LRRC4C: variants seen among roughly 807,000 people sequenced by gnomAD.
LRRC4C encodes leucine rich repeat containing 4C, also known as leucine-rich repeat-containing protein 4C.
LRRC4C carries 5 observed loss-of-function variants against 33.6 expected under a neutral mutation model. That is an observed-to-expected ratio of 0.15 (90% CI 0.08 to 0.31). LRRC4C has a LOEUF of 0.31. LRRC4C is among the 10% of genes least tolerant of loss of function. LRRC4C has a pLI of 1.00. For missense variants in LRRC4C, 560 were observed against 796.7 expected, an observed-to-expected ratio of 0.70 and a Z score of 3.58; for synonymous variants, 329 against 302.0, an observed-to-expected ratio of 1.09 and a Z score of -0.93.
chr11:40,733,065 T>C (rs894283956), intron 2 of LRRC4C, among the ~76,000 whole-genome samples: 1 of 51,018 alleles, frequency 2.0e-5, no homozygotes, highest in Admixed American at 2.1e-4. Flanking sequence ...AATATAGTTT[T>C]TTTTTTTTTT....
chr11:41,448,616 T>C (rs140932489), intron 1 of LRRC4C, among the ~76,000 whole-genome samples: 299 of 152,230 alleles, frequency 2.0e-3, no homozygotes, highest in East Asian at 9.9e-3. Flanking sequence ...ACATAGAGCT[T>C]TAAACTTTAA....
At chr11:41,365,527 G>A (rs1952503780) in intron 1 of LRRC4C, among the ~76,000 whole-genome samples, 1 of 151,940 alleles carries the variant, frequency 6.6e-6, no homozygotes, top group African/African-American at 2.4e-5. Context: ...AAAAAGCTTG[G>A]GGACCACTAG....
chr11:41,239,186 G>C (rs1173730479), intron 1 of LRRC4C, among the ~76,000 whole-genome samples: 1 of 150,570 alleles, frequency 6.6e-6, no homozygotes, highest in Non-Finnish European at 1.5e-5. Flanking sequence ...GCCGGGCATG[G>C]TGGTGGACGC....
rs116907531 is a variant in LRRC4C, at chr11:40,820,054, G to A, written c.-407+113581C>T. ...TTAAAAAAGCAAAAATAGAAATCTA[G>A]CATTGCTGTAGCACATTCTATAAAA... On this transcript the variant is annotated intron_variant, in intron 2 of 6. Coordinates refer to ENST00000528697, the MANE Select transcript of LRRC4C (RefSeq NM_001258419.2). Among the ~76,000 whole-genome samples, 947 of 151,932 alleles carry A rather than the reference G, an allele frequency of 6.2e-3. 4 individuals carry two copies. Among genetic ancestry groups the A allele is most frequent in the Non-Finnish European group, 9.7e-3 (662 of 67,924 alleles).
At chr11:40,975,598 T>A (rs1004092003) in intron 1 of LRRC4C, among the ~76,000 whole-genome samples, 1 of 152,220 alleles carries the variant, frequency 6.6e-6, no homozygotes, top group African/African-American at 2.4e-5. Flanking sequence ...TTACCATAAA[T>A]ATGCTTAGCC....
At chr11:40,734,460 T>C (rs1467321282) in intron 2 of LRRC4C, among the ~76,000 whole-genome samples, 4 of 152,102 alleles carry the variant, frequency 2.6e-5, no homozygotes, top group Admixed American at 1.3e-4. Flanking sequence ...CACATTCACC[T>C]AGCAAGGAAG....
intron 3 of LRRC4C, among the ~76,000 whole-genome samples, chr11:40,609,833 A>G (rs1961021576): frequency 6.6e-6 from 1 of 151,974 alleles, no homozygotes; most frequent in African/African-American, 2.4e-5. Flanking sequence ...AAACTTAGCA[A>G]GACTAAAGCA....
chr11:41,007,264 G>T (rs1339111240), intron 1 of LRRC4C, among the ~76,000 whole-genome samples: 1 of 151,902 alleles, frequency 6.6e-6, no homozygotes, highest in Non-Finnish European at 1.5e-5. Context: ...TAAACAGGCA[G>T]TTTAATTTAC....
At chr11:41,231,213 T>C (rs1188408752) in intron 1 of LRRC4C, among the ~76,000 whole-genome samples, 1 of 152,108 alleles carries the variant, frequency 6.6e-6, no homozygotes, top group Admixed American at 6.6e-5. Flanking sequence ...TGGTGATTCC[T>C]CAGGGATCTA....
intron 3 of LRRC4C, among the ~76,000 whole-genome samples, chr11:40,321,908 A>G (rs957447374): frequency 6.6e-6 from 1 of 152,198 alleles, no homozygotes; most frequent in Non-Finnish European, 1.5e-5. Context: ...TGTTTATACC[A>G]GGATTCTTAG....
chr11:40,516,268 T>A (rs1012683337), intron 3 of LRRC4C, among the ~76,000 whole-genome samples: 5 of 152,142 alleles, frequency 3.3e-5, no homozygotes, highest in Admixed American at 3.3e-4. Flanking sequence ...TTAAAAAATT[T>A]AAAAATTCTC....
At chr11:40,315,208 C>G (rs1414182028) in intron 4 of LRRC4C, among the ~76,000 whole-genome samples, 2 of 151,340 alleles carry the variant, frequency 1.3e-5, no homozygotes, top group African/African-American at 4.9e-5. Flanking sequence ...ACTGCACAGA[C>G]AGGAAAAAAT....
chr11:40,218,622 G>C (rs75509785), intron 5 of LRRC4C, among the ~76,000 whole-genome samples: 112,157 of 141,944 alleles, frequency 0.79, 47,180 homozygotes, highest in East Asian at 0.94. Flanking sequence ...ATGTATGTAT[G>C]TATGTATGTA....
intron 1 of LRRC4C, among the ~76,000 whole-genome samples, chr11:41,345,884 A>G (rs1006706759): frequency 1.1e-4 from 16 of 152,226 alleles, no homozygotes; most frequent in Non-Finnish European, 1.9e-4. Context: ...AAAATAAACC[A>G]TATCAAATAC....
At chr11:41,227,606 C>T (rs527393783) in intron 1 of LRRC4C, among the ~76,000 whole-genome samples, 3 of 152,180 alleles carry the variant, frequency 2.0e-5, no homozygotes, top group African/African-American at 7.2e-5. Context: ...CTCAAGGGAT[C>T]CTCCCATCTC....
chr11:41,301,235 C>A (rs1006313912), intron 1 of LRRC4C, among the ~76,000 whole-genome samples: 3 of 152,120 alleles, frequency 2.0e-5, no homozygotes, highest in Non-Finnish European at 4.4e-5. Flanking sequence ...GTTTCCCAAA[C>A]CTATCTACTT....
chr11:40,404,856 A>G (rs1446139033), intron 3 of LRRC4C, among the ~76,000 whole-genome samples: 4 of 151,784 alleles, frequency 2.6e-5, no homozygotes, highest in African/African-American at 7.3e-5. Context: ...GGTATACAAT[A>G]TATGATATAT....
At chr11:40,546,096 T>A (rs71484110) in intron 3 of LRRC4C, among the ~76,000 whole-genome samples, 2,028 of 82,954 alleles carry the variant, frequency 0.024, 26 homozygotes, top group Non-Finnish European at 0.047. Context: ...CTTCCTTCCT[T>A]CCTTCCTTCC....
At chr11:40,801,664 A>G (rs1279227799) in intron 2 of LRRC4C, among the ~76,000 whole-genome samples, 1 of 152,114 alleles carries the variant, frequency 6.6e-6, no homozygotes, top group Non-Finnish European at 1.5e-5. Context: ...TTAATCTCTC[A>G]CAGTTACTTT....
Sources: gnomAD v4.1 joint callset for allele counts (sites outside exome capture counted in the v4.1 genomes callset) on GRCh38, gnomAD v4.1.1 for gene constraint, MANE v1.5 for transcripts, NCBI Gene and HGNC (gene_info 2026-07-23, HGNC 2026-07-21) for gene names.